The following PIP4P2 variants were observed in gnomAD, a reference collection of about 807,000 sequenced individuals.
PIP4P2 encodes the protein type 2 phosphatidylinositol 4,5-bisphosphate 4-phosphatase.
A neutral mutation model predicts 33.3 loss-of-function variants in PIP4P2; 19 were observed. The ratio of observed to expected loss-of-function variants is 0.57; its 90% CI spans 0.40 to 0.84. PIP4P2 has a LOEUF of 0.84. Among genes scored for constraint, PIP4P2 ranks in the 40% least tolerant of loss-of-function variants. The pLI, the probability that PIP4P2 is intolerant of heterozygous loss-of-function variation, is 0.00. For missense variants in PIP4P2, 270 were observed against 324.7 expected, an observed-to-expected ratio of 0.83 and a Z score of 1.29; for synonymous variants, 110 against 111.9, an observed-to-expected ratio of 0.98 and a Z score of 0.11.
chr8:91,014,909 TG>T (rs1212353382), intron 4 of PIP4P2, among the ~76,000 whole-genome samples: 1 of 152,028 alleles, frequency 6.6e-6, no homozygotes, highest in African/African-American at 2.4e-5. Context: ...CAATTTCTGT[TG>T]GTCAAATATA....
At chr8:91,036,537 A>T (rs2130384915) in intron 1 of PIP4P2, among the ~76,000 whole-genome samples, 1 of 152,206 alleles carries the variant, frequency 6.6e-6, no homozygotes, top group Non-Finnish European at 1.5e-5. Flanking sequence ...CCTCCTTAAC[A>T]TCATCCTTCA....
chr8:91,026,558 T>C lies in PIP4P2; in HGVS notation c.107-5154A>G, dbSNP rs544207688. Among the ~76,000 whole-genome samples the C allele has an allele frequency of 2.7e-4, 41 of 152,304 alleles. 2 individuals are homozygous for C. The South Asian group carries it at 8.5e-3, about 32-fold the overall frequency. On this transcript the variant is annotated intron_variant, in intron 1 of 6. Transcript: ENST00000285419. The stretch of plus-strand genomic sequence containing the variant: ...TTTCCCGTAGCCCTAGTGGTGGCAG[T>C]TGCTTCTTGCTACCTCCTTGATACC...
At chr8:91,028,008 C>G (rs1399076335) in intron 1 of PIP4P2, among the ~76,000 whole-genome samples, 2 of 152,168 alleles carry the variant, frequency 1.3e-5, no homozygotes, top group African/African-American at 4.8e-5. Flanking sequence ...AGATGTGCTG[C>G]CTGATTTCAA....
At chr8:91,016,198 TCCTAG>T (rs1811912449) in intron 4 of PIP4P2, among the ~76,000 whole-genome samples, 1 of 152,144 alleles carries the variant, frequency 6.6e-6, no homozygotes, top group South Asian at 2.1e-4. Context: ...AAACAAAGGC[TCCTAG>T]AAATTAAAAA....
chr8:91,030,215 A>G (rs1403289924), intron 1 of PIP4P2, among the ~76,000 whole-genome samples: 1 of 29,608 alleles, frequency 3.4e-5, no homozygotes, highest in Admixed American at 2.5e-4. Context: ...CTCCATCTCA[A>G]AAAAAAAAAA....
chr8:90,999,312 T>A (rs1207901251), intron 5 of PIP4P2, among the ~76,000 whole-genome samples: 1 of 151,946 alleles, frequency 6.6e-6, no homozygotes, highest in African/African-American at 2.4e-5. Context: ...ATTCAGAAAT[T>A]CAGAATACAG....
chr8:91,003,948 G>GAGATAGATAGATAGATAGATAGAT (rs74275339), intron 5 of PIP4P2, among the ~76,000 whole-genome samples: 1 of 138,062 alleles, frequency 7.2e-6, no homozygotes, highest in Admixed American at 7.3e-5. Flanking sequence ...GAACCAACAG[G>GAGATAGATAGATAGATAGATAGAT]AGATAGATAG....
intron 1 of PIP4P2, among the ~76,000 whole-genome samples, 172 bp from the exon 2 acceptor site, chr8:91,021,576 C>T (rs1306125149): frequency 6.6e-6 from 1 of 152,172 alleles, no homozygotes; most frequent in East Asian, 1.9e-4. Context: ...ATCCATGAGA[C>T]TCTTATCAAG....
At position 91,018,409 on chromosome 8, in the gene PIP4P2, T is replaced by G; in HGVS notation, c.467A>C (p.His156Pro). The change falls in exon 4 of 7, where the codon CAC becomes CCC. Residue 156 changes from histidine to proline, a missense_variant. Physicochemically the swap from His to Pro is moderately conservative, Grantham distance 77. Coordinates refer to ENST00000285419, the MANE Select transcript of PIP4P2 (RefSeq NM_018710.3). ...QPEGTRVVCG[H>P]CGNTFLWMEL... is the part of the protein sequence containing the mutation. The stretch of plus-strand genomic sequence containing the variant: ...ACTTACCAGGAATGTGTTTCCACAG[T>G]GCCCACACACGACCCTTGTACCTTC... The G allele has an allele frequency of 6.2e-7, 1 of 1,614,060 alleles. No homozygotes were observed. Among genetic ancestry groups the G allele is most frequent in the Non-Finnish European group, 8.5e-7 (1 of 1,179,918 alleles).
chr8:91,026,732 CA>C (rs1413379655), intron 1 of PIP4P2, among the ~76,000 whole-genome samples: 1 of 152,146 alleles, frequency 6.6e-6, no homozygotes, highest in Non-Finnish European at 1.5e-5. Flanking sequence ...TCTCAGGAAA[CA>C]ATTCCTCAAA....
At chr8:91,024,212 C>A (rs925161201) in intron 1 of PIP4P2, 5 of 309,304 alleles carry the variant, frequency 1.6e-5, no homozygotes, top group Admixed American at 3.7e-5. Flanking sequence ...AATGTTCTAT[C>A]CATTACTTCA....
At chr8:91,029,645 G>C (rs903978277) in intron 1 of PIP4P2, among the ~76,000 whole-genome samples, 1 of 152,178 alleles carries the variant, frequency 6.6e-6, no homozygotes, top group African/African-American at 2.4e-5. Context: ...TCCCTGATGA[G>C]ACAGGAATCC....
chr8:91,017,427 T>A (rs962734451), intron 4 of PIP4P2, among the ~76,000 whole-genome samples: 2 of 151,728 alleles, frequency 1.3e-5, no homozygotes, highest in African/African-American at 4.8e-5. Context: ...TAAATAAAAA[T>A]TTAAAAATTA....
At chr8:91,037,261 T>C (rs1443961320) in intron 1 of PIP4P2, among the ~76,000 whole-genome samples, 3 of 152,148 alleles carry the variant, frequency 2.0e-5, no homozygotes, top group Non-Finnish European at 4.4e-5. Context: ...TTGCAGTGCA[T>C]TTCCTACTGC....
Position 90,995,534 on chromosome 8 carries a change from T to C in PIP4P2, c.*143A>G, listed in dbSNP as rs1811617012. 2.9e-6 allele frequency: 3 copies of C among 1,024,202 alleles called. No homozygotes were observed. In the South Asian group the frequency reaches 7.9e-5, roughly 27 times the overall value. 63.4% of individuals were successfully genotyped at this position (1,024,202 alleles called of 1,614,324 possible). On this transcript the variant is annotated 3_prime_UTR_variant, in exon 7 of 7. Coordinates refer to ENST00000285419, the MANE Select transcript of PIP4P2 (RefSeq NM_018710.3). ...TATAATATAGTGCAATGAGCATTTG[T>C]TCATAAAAGACTCCCAAAGTCTTGA...
chr8:91,009,499 T>A (rs978334015), intron 4 of PIP4P2, among the ~76,000 whole-genome samples: 2 of 152,082 alleles, frequency 1.3e-5, no homozygotes, highest in East Asian at 3.8e-4. Context: ...AACAATCTTC[T>A]TCTATCTTGT....
chr8:91,001,007 C>T (rs893694742), intron 5 of PIP4P2, among the ~76,000 whole-genome samples: 7 of 151,970 alleles, frequency 4.6e-5, no homozygotes, highest in Non-Finnish European at 8.8e-5. Flanking sequence ...TTAAACCGTA[C>T]GTGCATTTTA....
chr8:91,005,629 GAATT>G (rs1811753631), intron 5 of PIP4P2, among the ~76,000 whole-genome samples: 1 of 152,096 alleles, frequency 6.6e-6, no homozygotes, highest in South Asian at 2.1e-4. Context: ...ATTGTTTGTT[GAATT>G]AATGAATAAT....
chr8:91,039,232 T>A (rs1812273589), intron 1 of PIP4P2, among the ~76,000 whole-genome samples: 1 of 152,330 alleles, frequency 6.6e-6, no homozygotes, highest in African/African-American at 2.4e-5. Context: ...CAGTAAAATA[T>A]TCATATCAAA....
Sources: gnomAD v4.1 joint callset for allele counts (sites outside exome capture counted in the v4.1 genomes callset) on GRCh38, gnomAD v4.1.1 for gene constraint, MANE v1.5 for transcripts, NCBI Gene and HGNC (gene_info 2026-07-23, HGNC 2026-07-21) for gene names.